PTGR1: variants seen among roughly 807,000 people sequenced by gnomAD.
The protein encoded by PTGR1 is 15-oxoprostaglandin 13-reductase.
In PTGR1, 23 loss-of-function variants were observed where a neutral mutation model predicts 37.7. That is an observed-to-expected ratio of 0.61 (90% confidence interval 0.44 to 0.86). The LOEUF (loss-of-function observed/expected upper bound fraction) is 0.86. PTGR1 is among the 40% of genes least tolerant of loss of function. The pLI is 0.00. For missense variants in PTGR1, 351 were observed against 394.3 expected, an observed-to-expected ratio of 0.89 and a Z score of 0.93; for synonymous variants, 134 against 140.0, an observed-to-expected ratio of 0.96 and a Z score of 0.30.
intron 6 of PTGR1, among the ~76,000 whole-genome samples, chr9:111,580,832 A>G (rs1829261203): frequency 6.6e-6 from 1 of 151,846 alleles, no homozygotes; most frequent in Non-Finnish European, 1.5e-5. Flanking sequence ...TTATTGTAAG[A>G]GCCTCCTAAG....
intron 9 of PTGR1, chr9:111,564,046 A>T: frequency 5.8e-6 from 1 of 173,180 alleles, no homozygotes; most frequent in Non-Finnish European, 1.3e-5. Flanking sequence ...GGTTCATGTT[A>T]GTGAGAAAGG....
intron 4 of PTGR1, among the ~76,000 whole-genome samples, chr9:111,591,386 T>C (rs1459707720): frequency 1.4e-5 from 2 of 147,338 alleles, no homozygotes; most frequent in Non-Finnish European, 3.0e-5. Context: ...TTTTTTTTTT[T>C]TTTGAGATGG....
Position 111,563,105 on chromosome 9 carries a change from C to T in PTGR1, c.*16G>A, listed in dbSNP as rs1351883374. On this transcript the variant is annotated 3_prime_UTR_variant, in exon 10 of 10. Coordinates refer to ENST00000407693, the MANE Select transcript of PTGR1 (RefSeq NM_001146108.2). ...TAATCATCTAAATGGCCTCCAGATTCCATGTGTCCTCTTTTTCATGCTTTC... is the reference window on the plus strand; with the variant it reads ...TAATCATCTAAATGGCCTCCAGATTTCATGTGTCCTCTTTTTCATGCTTTC... 10 of 1,611,682 alleles carry T rather than the reference C, an allele frequency of 6.2e-6. No homozygotes were observed. Among genetic ancestry groups the T allele is most frequent in the Non-Finnish European group, 7.6e-6 (9 of 1,179,268 alleles).
At position 111,594,879 on chromosome 9, in the gene PTGR1, T is replaced by C. The variant is rs560867661; in HGVS notation, c.107-612A>G. The stretch of plus-strand genomic sequence containing the variant: ...TTTTTTTTTTTTTTTTTTTGAGACC[T>C]AGTCTTGTTCTGTTGCCCAGGCTGG... On this transcript the variant is annotated intron_variant, in intron 2 of 9. Transcript: ENST00000407693. Among the ~76,000 whole-genome samples, 79 of 90,004 alleles carry C rather than the reference T, an allele frequency of 8.8e-4. No individual in the cohort carries two copies. In the South Asian group the frequency reaches 0.017, roughly 19 times the overall value. 59.0% of individuals were successfully genotyped at this position (90,004 alleles called of 152,430 possible). A position where few individuals can be genotyped will look rare whatever the true frequency, so the allele number is the denominator to read the frequency against.
chr9:111,582,770 G>T (rs1310419291), intron 6 of PTGR1, among the ~76,000 whole-genome samples: 1 of 152,134 alleles, frequency 6.6e-6, no homozygotes, highest in Non-Finnish European at 1.5e-5. Flanking sequence ...CCAAACCCTT[G>T]GCCGTTGGTT....
At chr9:111,550,117 G>GC (rs1270273088) in intron 9 of PTGR1, among the ~76,000 whole-genome samples, 2 of 152,110 alleles carry the variant, frequency 1.3e-5, no homozygotes, top group African/African-American at 4.8e-5. Flanking sequence ...CTGTCTCTGT[G>GC]CTAGGGATCA....
chr9:111,593,232 G>A (rs1395419853), intron 3 of PTGR1, among the ~76,000 whole-genome samples: 14 of 152,010 alleles, frequency 9.2e-5, no homozygotes, highest in Admixed American at 7.9e-4. Context: ...TTTTTTATGA[G>A]TGAACACAAA....
In PTGR1 at chr9:111,553,239, A is replaced by G. The variant is rs570017506; in HGVS notation, c.880-3440T>C. Among the ~76,000 whole-genome samples, 10 of 152,324 alleles carry G rather than the reference A, an allele frequency of 6.6e-5. No individual in the cohort carries two copies. In the Middle Eastern group the frequency reaches 0.014, roughly 207 times the overall value. On this transcript the variant is annotated intron_variant, in intron 9 of 9. Coordinates refer to the PTGR1 transcript ENST00000538962. ...ATTTTGCTCTGCTGCAGTAAATTGC[A>G]ATTGCCATTCATCATTAAATGTGCA...
At chr9:111,591,062 C>T (rs868455587) in intron 4 of PTGR1, among the ~76,000 whole-genome samples, 16 of 152,092 alleles carry the variant, frequency 1.1e-4, no homozygotes, top group Middle Eastern at 3.4e-3. Flanking sequence ...GAGGCCAAGG[C>T]GGGCGGATCA....
chr9:111,551,375 T>C (rs916829176), intron 9 of PTGR1, among the ~76,000 whole-genome samples: 1 of 148,296 alleles, frequency 6.7e-6, no homozygotes, highest in African/African-American at 2.5e-5. Flanking sequence ...AATTTTCCAA[T>C]AACTGAATCA....
chr9:111,593,609 T>C (rs1829686336), intron 3 of PTGR1, among the ~76,000 whole-genome samples: 3 of 152,244 alleles, frequency 2.0e-5, no homozygotes, highest in Admixed American at 2.0e-4. Flanking sequence ...CTGATTTTAG[T>C]CTTAGCATCT....
chr9:111,563,067 A>G lies in PTGR1; in HGVS notation c.*54T>C. The G allele has an allele frequency of 6.3e-7, 1 of 1,594,454 alleles. No individual in the cohort carries two copies. On this transcript the variant is annotated 3_prime_UTR_variant, in exon 10 of 10. Coordinates refer to ENST00000407693, the MANE Select transcript of PTGR1 (RefSeq NM_001146108.2). Reference sequence around the variant, plus strand: ...AGTATACATTTTTGCTAAATGGTGAAAAACAAATTAACTAATCATCTAAAT... The same window carrying G: ...AGTATACATTTTTGCTAAATGGTGAGAAACAAATTAACTAATCATCTAAAT...
chr9:111,568,808 T>C lies in PTGR1; in HGVS notation c.879+1283A>G, dbSNP rs189548213. 4.6e-5 allele frequency among the ~76,000 whole-genome samples: 7 copies of C among 152,306 alleles called. No individual in the cohort carries two copies. The East Asian group carries it at 5.8e-4, about 13-fold the overall frequency. ...AATAGAAAGAACCTATGTTGAAATATTGGGGGCAGGTTCCCCCGATACACT... is the reference window on the plus strand; with the variant it reads ...AATAGAAAGAACCTATGTTGAAATACTGGGGGCAGGTTCCCCCGATACACT... On this transcript the variant is annotated intron_variant, in intron 9 of 9. Transcript: ENST00000407693.
intron 6 of PTGR1, among the ~76,000 whole-genome samples, chr9:111,581,122 C>G (rs1162622420): frequency 1.3e-5 from 2 of 152,160 alleles, no homozygotes; most frequent in African/African-American, 4.8e-5. Flanking sequence ...TATGAGGAGC[C>G]TCAGCTATGA....
At chr9:111,595,521 G>C (rs1384801796) in intron 2 of PTGR1, among the ~76,000 whole-genome samples, 2 of 152,148 alleles carry the variant, frequency 1.3e-5, no homozygotes, top group African/African-American at 2.4e-5. Flanking sequence ...TTTTGAATTT[G>C]AGTCATGGCC....
intron 9 of PTGR1, chr9:111,563,511 T>G (rs1828406279): frequency 5.5e-6 from 1 of 181,618 alleles, no homozygotes; most frequent in Non-Finnish European, 1.1e-5. Flanking sequence ...TTTTCTTTCT[T>G]TTTTTTTTTT....
At chr9:111,553,832 G>A (rs1237788719) in intron 9 of PTGR1, among the ~76,000 whole-genome samples, 5 of 152,152 alleles carry the variant, frequency 3.3e-5, no homozygotes, top group South Asian at 2.1e-4. Context: ...GTTGCTCTAC[G>A]CAATCCTAGC....
intron 7 of PTGR1, 34 bp downstream of exon 7, chr9:111,578,762 A>C: frequency 6.4e-7 from 1 of 1,566,224 alleles, no homozygotes; most frequent in Non-Finnish European, 8.7e-7. Flanking sequence ...GTACTTCCAT[A>C]ATAAATTAGA....
chr9:111,558,537 A>C (rs985717171), downstream of PTGR1, among the ~76,000 whole-genome samples: 2 of 152,204 alleles, frequency 1.3e-5, no homozygotes, highest in Non-Finnish European at 2.9e-5. Flanking sequence ...AAATGTTGCA[A>C]GCTCATCTTG....
Sources: allele counts gnomAD v4.1 joint callset (sites outside exome capture counted in the v4.1 genomes callset), GRCh38; gene constraint gnomAD v4.1.1; transcripts MANE v1.5; gene names NCBI Gene and HGNC (gene_info 2026-07-23, HGNC 2026-07-21).